The following DGCR2 variants were observed in gnomAD, a reference collection of about 807,000 sequenced individuals.
DGCR2 encodes the protein integral membrane protein DGCR2/IDD.
Under a neutral mutation model 51.6 loss-of-function variants are expected in DGCR2, and 24 were observed. The observed-to-expected ratio is 0.47, with a 90% confidence interval of 0.34 to 0.65. The LOEUF (loss-of-function observed/expected upper bound fraction) is 0.65, where lower values mean the gene tolerates loss of function less well. Among genes scored for constraint, DGCR2 ranks in the 30% least tolerant of loss-of-function variants. The probability of loss-of-function intolerance (pLI) is 0.01; values close to 1 mark genes in which losing one functional copy is unlikely to be tolerated. For synonymous variants in DGCR2, 340 were observed against 315.4 expected (o/e 1.08, Z -0.82); for missense variants, 765 against 772.1 (o/e 0.99, Z 0.11).
chr22:19,091,211 T>A (rs554825830), intron 1 of DGCR2, among the ~76,000 whole-genome samples: 5 of 152,164 alleles, frequency 3.3e-5, no homozygotes, highest in Admixed American at 6.5e-5. Context: ...TACAAAAAAT[T>A]AGCCGGGTAT....
intron 2 of DGCR2, among the ~76,000 whole-genome samples, chr22:19,080,470 A>G (rs1038988569): frequency 3.3e-5 from 5 of 152,162 alleles, no homozygotes; most frequent in Non-Finnish European, 7.3e-5. Flanking sequence ...TGTGTATTTT[A>G]CACCTGCTGC....
At chr22:19,113,886 C>T (rs2083344328) in intron 1 of DGCR2, among the ~76,000 whole-genome samples, 1 of 151,820 alleles carries the variant, frequency 6.6e-6, no homozygotes, top group Non-Finnish European at 1.5e-5. Context: ...TGGCAAAATC[C>T]CATCTCTACT....
At chr22:19,054,665 A>G (rs1419452491) in intron 6 of DGCR2, among the ~76,000 whole-genome samples, 1 of 152,122 alleles carries the variant, frequency 6.6e-6, no homozygotes, top group African/African-American at 2.4e-5. Flanking sequence ...TAGGAGTTCA[A>G]GACTGTACTG....
rs369411602 is a variant in DGCR2, at chr22:19,064,872, C to T, written c.524G>A (p.Ser175Asn). 54 of 1,613,724 alleles carry T rather than the reference C, an allele frequency of 3.3e-5. No individual in the cohort carries two copies. The highest frequency in any genetic ancestry group is 4.4e-5 in the Non-Finnish European group (52 of 1,179,992). ...CTTGCGCTGGTCCTTCCAACCAAAG[C>T]TCCGCTCGGGCTGGTCCCATTCCTG... ...LAQEWDQPERSFGWKDQRKLW... is the reference protein window; with the variant it reads ...LAQEWDQPERNFGWKDQRKLW... Residue 175 changes from serine (S) to asparagine (N), a missense_variant, in exon 4 of 10, where the codon AGC becomes AAC. Transcript: ENST00000263196.
In DGCR2 at chr22:19,041,214, G is replaced by A. The variant is rs1294270962; in HGVS notation, c.1240C>T (p.His414Tyr). 1 of 1,614,152 alleles carries A rather than the reference G, an allele frequency of 6.2e-7. No individual in the cohort carries two copies. Among genetic ancestry groups the A allele is most frequent in the East Asian group, 2.2e-5 (1 of 44,874 alleles). Residue 414 changes from histidine to tyrosine, a missense_variant, in exon 9 of 10, where the codon CAT (histidine) becomes TAT (tyrosine). Around this residue, in one of 3 missense-constraint regions of DGCR2, gnomAD observed 190 missense variants for 265.2 expected, o/e 0.72. Transcript: ENST00000263196. ...CCACCCTCTCCGTCGTCAGAAAGAT[G>A]CAGCGGCGTGAGGCCCGTGCCAAAC... ...DGFGTGLTPL[H>Y]LSDDGEGGTF...
chr22:19,066,817 C>G (rs2082754980), intron 3 of DGCR2, among the ~76,000 whole-genome samples: 1 of 152,188 alleles, frequency 6.6e-6, no homozygotes, highest in Non-Finnish European at 1.5e-5. Flanking sequence ...CTGTTCAAAA[C>G]TGAACAGACA....
At chr22:19,076,140 A>C (rs2082873076) in intron 2 of DGCR2, among the ~76,000 whole-genome samples, 1 of 64,774 alleles carries the variant, frequency 1.5e-5, no homozygotes, top group Non-Finnish European at 2.8e-5. Flanking sequence ...TTGTATTTTT[A>C]TTTTATTTAT....
intron 2 of DGCR2, among the ~76,000 whole-genome samples, chr22:19,073,070 AAC>A (rs1569062187): frequency 6.6e-6 from 1 of 152,082 alleles, no homozygotes; most frequent in African/African-American, 2.4e-5. Flanking sequence ...CAGCCTGGGC[AAC>A]ACAGCAAGAC....
chr22:19,039,010 G>C lies in DGCR2; in HGVS notation c.1508C>G (p.Ser503Cys), dbSNP rs1171821139. 1.2e-6 allele frequency: 2 copies of C among 1,612,574 alleles called. No individual in the cohort carries two copies. The highest frequency in any genetic ancestry group is 3.3e-5 in the Admixed American group (2 of 59,974). The change falls in exon 10 of 10, where the codon TCT becomes TGT. Residue 503 changes from serine (S) to cysteine (C), a missense_variant. By Grantham distance (112) the Ser-to-Cys change is moderately radical. This residue lies in a region of DGCR2 where 205 missense variants were observed against 181.4 expected (regional missense o/e 1.13). Transcript: ENST00000263196. ...GGCAGAGTCTTCCAGGTCTGCCAGA[G>C]AGGCCCCCGCAGTGGGCAGAGGCTG... ...LEQPLPTAGA[S>C]LADLEDSADS...
chr22:19,052,778 A>AG (rs112858192), intron 6 of DGCR2, among the ~76,000 whole-genome samples: 3,938 of 152,186 alleles, frequency 0.026, 93 homozygotes, highest in South Asian at 0.067. Flanking sequence ...GTCGCCAAAA[A>AG]GAAAAAAAAA....
rs555207259 is a variant in DGCR2 at position 19,070,998 on chromosome 22, A to C, written c.203-2773T>G. ...AGGACAGAACCCTTACAGACCTCTC[A>C]GGCCTGCCTCTGACAGTAGAGAATG... On this transcript the variant is annotated intron_variant, in intron 2 of 9. Transcript: ENST00000263196. Among the ~76,000 whole-genome samples, 148 of 152,360 alleles carry C rather than the reference A, an allele frequency of 9.7e-4. 1 individual carries two copies. Among genetic ancestry groups the C allele is most frequent in the African/African-American group, 3.4e-3 (142 of 41,590 alleles).
At position 19,041,271 on chromosome 22, in the gene DGCR2, T is replaced by C; in HGVS notation, c.1183A>G (p.Arg395Gly). The part of the protein sequence containing the change: ...ANLHHFNLGR[R>G]IPGFDYGPDG... ...GGGCCGTAATCAAAGCCAGGGATCC[T>C]GCGGCCGAGGTTGAAGTGGTGCACT... is the stretch of plus-strand genomic sequence containing the variant. Residue 395 changes from arginine to glycine, a missense_variant, in exon 9 of 10, where the codon AGG (arginine) becomes GGG (glycine). By Grantham distance (125) the Arg-to-Gly change is moderately radical. Transcript: ENST00000263196. 6.2e-7 allele frequency: 1 copy of C among 1,614,068 alleles called. No homozygotes were observed. Among genetic ancestry groups the C allele is most frequent in the Non-Finnish European group, 8.5e-7 (1 of 1,179,986 alleles).
In DGCR2 at chr22:19,057,870, TCTGGCCATGCCCA is replaced by T. The variant is rs2082620594; in HGVS notation, c.626-721_626-709del. ...CTCTTTTGCAAGGTTCCAGGTGGGC[TCTGGCCATGCCCA>T]GGGCATGGCACAGCCAGCCCTAGGC... On this transcript the variant is annotated intron_variant, in intron 5 of 9. Transcript: ENST00000263196. The surrounding 1 kb of genome is among the most constrained non-coding windows in gnomAD (Gnocchi z 5.1). Among the ~76,000 whole-genome samples the T allele has an allele frequency of 6.6e-6, 1 of 152,098 alleles. No homozygotes were observed. The highest frequency in any genetic ancestry group is 2.1e-4 in the South Asian group (1 of 4,830).
intron 6 of DGCR2, among the ~76,000 whole-genome samples, chr22:19,053,753 A>T (rs2082573085): frequency 1.3e-5 from 2 of 152,252 alleles, no homozygotes; most frequent in Admixed American, 6.5e-5. Flanking sequence ...ACTTCCCCAC[A>T]GGGAATTTAA....
intron 1 of DGCR2, among the ~76,000 whole-genome samples, chr22:19,090,593 T>A (rs1244438549): frequency 2.0e-5 from 3 of 152,182 alleles, no homozygotes; most frequent in Non-Finnish European, 4.4e-5. Context: ...ATTGTGCAGT[T>A]TATAACATAC....
chr22:19,068,081 G>A lies in DGCR2; in HGVS notation c.328+19C>T. ...CTTGCACTCCCCAGTGTCCCAGTCA[G>A]GGCAGGTCTGCAACTTACTGCTGAA... is the stretch of plus-strand genomic sequence containing the variant. On this transcript the variant is annotated intron_variant, in intron 3 of 9. Coordinates refer to ENST00000263196, the MANE Select transcript of DGCR2 (RefSeq NM_005137.3). 6.4e-7 allele frequency: 1 copy of A among 1,555,704 alleles called. No individual in the cohort carries two copies. Among genetic ancestry groups the A allele is most frequent in the South Asian group, 1.2e-5 (1 of 82,874 alleles).
intron 6 of DGCR2, 40 bp from the exon 7 acceptor site, chr22:19,048,683 C>CA (rs778025978): frequency 1.3e-6 from 2 of 1,595,268 alleles, no homozygotes; most frequent in Non-Finnish European, 1.7e-6. Context: ...TATACAATGC[C>CA]AAAAAAGGTA....
At chr22:19,056,591 G>T in intron 6 of DGCR2, 1 of 372,244 alleles carries the variant, frequency 2.7e-6, no homozygotes, top group East Asian at 5.8e-5. Flanking sequence ...GACTGGCAAG[G>T]TAAACAGAGA....
intron 6 of DGCR2, among the ~76,000 whole-genome samples, chr22:19,049,826 C>CAAAA (rs538842818): frequency 1.8e-5 from 2 of 110,278 alleles, no homozygotes; most frequent in African/African-American, 3.2e-5. Context: ...GACTCTGTCT[C>CAAAA]AAAAAAAAAA....
Sources: gnomAD v4.1 joint callset for allele counts (sites outside exome capture counted in the v4.1 genomes callset) on GRCh38, gnomAD v4.1.1 for gene constraint, gnomAD v4.1.1 regional missense constraint, Gnocchi (gnomAD v3.1) non-coding constraint, MANE v1.5 for transcripts, NCBI Gene and HGNC (gene_info 2026-07-23, HGNC 2026-07-21) for gene names.